Variants in PNCK observed in about 807,000 individuals in gnomAD.
The protein encoded by PNCK is pregnancy up-regulated nonubiquitous CaM kinase, also known as calcium/calmodulin-dependent protein kinase type 1B.
PNCK carries 21 observed loss-of-function variants against 28.3 expected under a neutral mutation model. That is an observed-to-expected ratio of 0.74 (90% confidence interval 0.53 to 1.07). PNCK has a LOEUF of 1.07. Ranked by LOEUF, PNCK falls within the 50% of genes least tolerant of loss-of-function variation. The pLI, the probability that PNCK is intolerant of heterozygous loss-of-function variation, is 0.00. For synonymous variants in PNCK, 136 were observed against 125.2 expected (o/e 1.09, Z -0.58); for missense variants, 250 against 298.3 (o/e 0.84, Z 1.19).
chrX:153,683,430 G>A (rs781937039), intron 1 of PNCK, among the ~76,000 whole-genome samples: 1 of 100,797 alleles, frequency 9.9e-6, no homozygotes. Context: ...ATGAGCCACC[G>A]TGCCCAGCCC....
chrX:153,675,829 A>ATTG (rs1432143074), upstream of PNCK, among the ~76,000 whole-genome samples: 25 of 106,280 alleles, frequency 2.4e-4, no homozygotes, highest in Admixed American at 2.3e-3. Context: ...CCAGGCCTAT[A>ATTG]TTGTGTGTTT....
upstream of PNCK, among the ~76,000 whole-genome samples, chrX:153,677,709 T>C (rs1295970720): frequency 7.1e-5 from 7 of 98,569 alleles, no homozygotes; most frequent in Admixed American, 2.2e-4. Flanking sequence ...TGTGTGTATA[T>C]ATATAGTGCA....
At chrX:153,674,066 G>T, upstream of PNCK, 1 of 1,207,944 alleles carries the variant, frequency 8.3e-7, no homozygotes, top group Non-Finnish European at 1.1e-6. Context: ...GCTGTCTCCC[G>T]GAGAGCTCTT....
chrX:153,687,609 C>T, upstream of PNCK: 1 of 315,967 alleles, frequency 3.2e-6, no homozygotes, highest in Non-Finnish European at 6.1e-6. Flanking sequence ...GCCCGGGGGA[C>T]GTCTTCCCAG....
upstream of PNCK, chrX:153,673,981 C>G (rs1343603331): frequency 6.9e-6 from 8 of 1,158,011 alleles, no homozygotes; most frequent in Admixed American, 2.6e-5. Context: ...CACCGCCCAG[C>G]CCACTGCTCG....
In PNCK at chrX:153,672,607, GC is replaced by G; in HGVS notation, c.158del (p.Gly53AlafsTer41). On this transcript the variant is annotated frameshift_variant, in exon 3 of 12. Transcript: ENST00000340888. LOFTEE classifies it high-confidence loss of function. The stretch of plus-strand genomic sequence containing the variant: ...TCTCGTTCTCCACCAGGGCCTCCTT[GC>G]CCCGGAGGGCCTTCTTGGGGATGCA... ...LKCIPKKALR[G>X]KEALVENEIA... 8.3e-7 allele frequency: 1 copy of G among 1,207,522 alleles called. No homozygotes were observed. Among genetic ancestry groups the G allele is most frequent in the Non-Finnish European group, 1.1e-6 (1 of 895,344 alleles).
intron 1 of PNCK, among the ~76,000 whole-genome samples, chrX:153,681,210 G>A (rs2091394366): frequency 9.0e-6 from 1 of 111,658 alleles, no homozygotes; most frequent in African/African-American, 3.3e-5. Flanking sequence ...ATAAATGTGG[G>A]AGAACAGACA....
At chrX:153,675,415 G>A (rs887369333), upstream of PNCK, among the ~76,000 whole-genome samples, 1 of 112,254 alleles carries the variant, frequency 8.9e-6, no homozygotes. Flanking sequence ...TGGGAAAGAC[G>A]AGCCAGCGGG....
chrX:153,679,823 C>T (rs1557042251), upstream of PNCK, among the ~76,000 whole-genome samples: 2 of 110,354 alleles, frequency 1.8e-5, no homozygotes, highest in Admixed American at 9.7e-5. Flanking sequence ...CCACCTGCCT[C>T]GGCCTCCCAA....
chrX:153,679,092 C>G (rs2091382886), upstream of PNCK, among the ~76,000 whole-genome samples: 1 of 111,497 alleles, frequency 9.0e-6, no homozygotes, highest in African/African-American at 3.3e-5. Context: ...AATAAAGCTG[C>G]TAATACTATC....
intron 1 of PNCK, among the ~76,000 whole-genome samples, chrX:153,683,669 C>T (rs1468881785): frequency 5.4e-5 from 6 of 111,934 alleles, no homozygotes; most frequent in South Asian, 3.7e-4. Flanking sequence ...GCTAGGATTA[C>T]AGGTGTGAGC....
intron 1 of PNCK, chrX:153,686,633 A>G (rs1261600980): frequency 8.9e-6 from 1 of 112,132 alleles, no homozygotes; most frequent in Non-Finnish European, 1.9e-5. Context: ...CACTTCTCTA[A>G]TGCCCCTGTC....
At chrX:153,684,508 G>A (rs1161561780) in intron 1 of PNCK, among the ~76,000 whole-genome samples, 10 of 99,060 alleles carry the variant, frequency 1.0e-4, no homozygotes, top group African/African-American at 3.8e-4. Context: ...TTCTCCGCTT[G>A]GCTGCAGCCG....
intron 1 of PNCK, among the ~76,000 whole-genome samples, chrX:153,684,908 A>G (rs1282700294): frequency 2.1e-4 from 19 of 90,439 alleles, no homozygotes; most frequent in Non-Finnish European, 3.3e-4. Flanking sequence ...GGGGCCTGAA[A>G]GGCTGCCCAC....
In PNCK at chrX:153,671,085, T is replaced by C. The variant is rs1557039614; in HGVS notation, c.720A>G (p.Ser240=). The C allele has an allele frequency of 1.7e-6, 2 of 1,212,041 alleles. No individual in the cohort carries two copies. The highest frequency in any genetic ancestry group is 2.2e-6 in the Non-Finnish European group (2 of 895,535). The change falls in exon 8 of 12, where the codon TCA becomes TCG. Residue 240 remains serine (S), a synonymous_variant. Transcript: ENST00000340888. ...GGCCAGCCTCAAGCTCACCTGATTC[T>C]GAGATGTCATCCCAGAAAGGAGAGT... The part of the protein sequence containing the change: ...EFDSPFWDDI[S]ESAKDFIRHL...
chrX:153,676,446 G>A (rs1282263518), upstream of PNCK, among the ~76,000 whole-genome samples: 6 of 112,344 alleles, frequency 5.3e-5, no homozygotes, highest in African/African-American at 9.7e-5. Flanking sequence ...ACAGGACACA[G>A]TAGCAAGGAC....
upstream of PNCK, among the ~76,000 whole-genome samples, chrX:153,678,893 CAT>C (rs2148349518): frequency 9.3e-6 from 1 of 106,991 alleles, no homozygotes; most frequent in Middle Eastern, 4.7e-3. Flanking sequence ...TAAATGGAGT[CAT>C]AGAGTAGGTA....
upstream of PNCK, among the ~76,000 whole-genome samples, chrX:153,677,836 GTATA>G (rs1159694933): frequency 1.9e-5 from 2 of 104,801 alleles, no homozygotes; most frequent in African/African-American, 3.5e-5. Context: ...TGTATATAGT[GTATA>G]TATAGTCTGT....
chrX:153,679,569 T>TTCTTTC (rs1324388852), upstream of PNCK, among the ~76,000 whole-genome samples: 227 of 86,720 alleles, frequency 2.6e-3, no homozygotes, highest in African/African-American at 0.01. Context: ...TTCTTTTCTT[T>TTCTTTC]TTTTTTTTTT....
Sources: allele counts gnomAD v4.1 joint callset (sites outside exome capture counted in the v4.1 genomes callset), GRCh38; gene constraint gnomAD v4.1.1; transcripts MANE v1.5; gene names NCBI Gene and HGNC (gene_info 2026-07-23, HGNC 2026-07-21).